SLCO1A2: variants seen among roughly 807,000 people sequenced by gnomAD.
SLCO1A2 encodes the protein OATP-1.
In SLCO1A2, 67 loss-of-function variants were observed where a neutral mutation model predicts 69.0. The observed-to-expected ratio is 0.97, with a 90% confidence interval of 0.80 to 1.19. SLCO1A2 has a LOEUF of 1.19. SLCO1A2 is among the 50% of genes most tolerant of loss of function. SLCO1A2 has a pLI of 0.00. For synonymous variants in SLCO1A2, 260 were observed against 265.9 expected (o/e 0.98, Z 0.22); for missense variants, 787 against 793.7 (o/e 0.99, Z 0.10).
chr12:21,297,614 A>G (rs1947931641), intron 8 of SLCO1A2, 46 bp from the exon 9 acceptor site: 2 of 1,356,042 alleles, frequency 1.5e-6, no homozygotes, highest in Admixed American at 2.3e-5. Flanking sequence ...TTGGCTTTGC[A>G]TTTTGTGACT....
At chr12:21,329,444 T>A (rs1013085404) in intron 2 of SLCO1A2, among the ~76,000 whole-genome samples, 1 of 152,028 alleles carries the variant, frequency 6.6e-6, no homozygotes, top group Non-Finnish European at 1.5e-5. Context: ...AACCCAGCAT[T>A]CTTGTACATT....
At chr12:21,384,789 G>T (rs1174280719) in intron 1 of SLCO1A2, among the ~76,000 whole-genome samples, 3 of 142,026 alleles carry the variant, frequency 2.1e-5, no homozygotes, top group Non-Finnish European at 4.5e-5. Flanking sequence ...TTTTTGAGTC[G>T]GAGTCTCGTT....
chr12:21,353,571 T>A (rs2137020028), intron 2 of SLCO1A2, among the ~76,000 whole-genome samples: 1 of 152,314 alleles, frequency 6.6e-6, no homozygotes, highest in African/African-American at 2.4e-5. Flanking sequence ...CCTGATTATA[T>A]CCCGTTTGTT....
At chr12:21,314,427 C>T in intron 4 of SLCO1A2, 122 bp downstream of exon 4, 1 of 1,011,962 alleles carries the variant, frequency 9.9e-7, no homozygotes, top group Non-Finnish European at 1.5e-6. Flanking sequence ...GAATGTGCAT[C>T]TTCCCCTTCC....
At chr12:21,416,464 A>C (rs1941990690) in intron 1 of SLCO1A2, among the ~76,000 whole-genome samples, 2 of 152,044 alleles carry the variant, frequency 1.3e-5, no homozygotes, top group South Asian at 4.1e-4. Context: ...CCCAAGTATA[A>C]ACATTATATC....
intron 1 of SLCO1A2, among the ~76,000 whole-genome samples, chr12:21,383,903 T>C (rs945144455): frequency 2.0e-5 from 3 of 152,194 alleles, no homozygotes; most frequent in African/African-American, 7.2e-5. Flanking sequence ...ACAATACATA[T>C]TGGTTGAATA....
At chr12:21,280,114 A>G (rs1198205814) in intron 12 of SLCO1A2, among the ~76,000 whole-genome samples, 4 of 152,166 alleles carry the variant, frequency 2.6e-5, no homozygotes, top group African/African-American at 4.8e-5. Context: ...TACACAAAAA[A>G]TAAAAAAGCA....
chr12:21,366,651 C>G (rs976534861), intron 2 of SLCO1A2, among the ~76,000 whole-genome samples: 1 of 151,486 alleles, frequency 6.6e-6, no homozygotes, highest in African/African-American at 2.4e-5. Flanking sequence ...TGAAAAGAAA[C>G]CAGAAAAGAG....
At chr12:21,397,380 T>G (rs1277063172), upstream of SLCO1A2, among the ~76,000 whole-genome samples, 11 of 152,234 alleles carry the variant, frequency 7.2e-5, no homozygotes, top group East Asian at 9.7e-4. Context: ...AAGCAAGTCC[T>G]GAGTGACCTA....
chr12:21,290,909 A>T (rs74064507), intron 12 of SLCO1A2, among the ~76,000 whole-genome samples: 3,150 of 152,276 alleles, frequency 0.021, 114 homozygotes, highest in African/African-American at 0.072. Flanking sequence ...GTATCATATA[A>T]ACAGTATTAC....
At chr12:21,352,712 G>A (rs910570891) in intron 2 of SLCO1A2, among the ~76,000 whole-genome samples, 2 of 152,178 alleles carry the variant, frequency 1.3e-5, no homozygotes, top group Non-Finnish European at 1.5e-5. Flanking sequence ...AGCATAATGC[G>A]AGAAATATCT....
At chr12:21,273,786 GTGTCCTTTTGC>G (rs1943312129) in intron 14 of SLCO1A2, among the ~76,000 whole-genome samples, 1 of 152,148 alleles carries the variant, frequency 6.6e-6, no homozygotes, top group South Asian at 2.1e-4. Flanking sequence ...TTCTTGATAT[GTGTCCTTTTGC>G]TGATCAAGAC....
In SLCO1A2 at chr12:21,345,987, A is replaced by G. The variant is rs140225949; in HGVS notation, c.-62-11278T>C. Among the ~76,000 whole-genome samples the G allele has an allele frequency of 1.1e-3, 173 of 152,130 alleles. 2 individuals are homozygous for G. The highest frequency in any genetic ancestry group is 7.2e-4 in the Admixed American group (11 of 15,260). ...GAGTATAAATATGTTAATAAAGAGC[A>G]TGTTCCAATAAAGCAGTTCTACAAA... On this transcript the variant is annotated intron_variant, in intron 2 of 15. Transcript: ENST00000307378.
At chr12:21,347,685 G>GAAGGAAGGAAGGAAGA (rs1953314722) in intron 2 of SLCO1A2, among the ~76,000 whole-genome samples, 1 of 142,096 alleles carries the variant, frequency 7.0e-6, no homozygotes, top group South Asian at 2.2e-4. Context: ...AGGAAGGAAG[G>GAAGGAAGGAAGGAAGA]AAGGAAGGAA....
chr12:21,350,934 GT>G (rs908322639), intron 2 of SLCO1A2, among the ~76,000 whole-genome samples: 2 of 150,766 alleles, frequency 1.3e-5, no homozygotes, highest in Non-Finnish European at 2.9e-5. Flanking sequence ...ATATTTCTGG[GT>G]TTTTTTAATA....
upstream of SLCO1A2, among the ~76,000 whole-genome samples, chr12:21,398,120 C>A (rs1242451213): frequency 1.4e-5 from 2 of 145,038 alleles, no homozygotes; most frequent in Non-Finnish European, 3.1e-5. Flanking sequence ...AATTGATAGA[C>A]CACTAGCAAG....
At chr12:21,350,004 A>T (rs1937800817) in intron 2 of SLCO1A2, among the ~76,000 whole-genome samples, 1 of 152,194 alleles carries the variant, frequency 6.6e-6, no homozygotes, top group African/African-American at 2.4e-5. Context: ...AACAGAGGAG[A>T]TGCATATTAG....
At chr12:21,367,308 C>T (rs1032477170) in intron 2 of SLCO1A2, among the ~76,000 whole-genome samples, 3 of 151,930 alleles carry the variant, frequency 2.0e-5, no homozygotes, top group East Asian at 3.8e-4. Context: ...AAAATAAGGA[C>T]ATAAATCAAG....
intron 12 of SLCO1A2, among the ~76,000 whole-genome samples, chr12:21,279,786 G>C (rs144970237): frequency 6.6e-6 from 1 of 151,724 alleles, no homozygotes; most frequent in African/African-American, 2.4e-5. Context: ...TAGTAAGTAA[G>C]CAAAAAAATG....
Sources: allele counts gnomAD v4.1 joint callset (sites outside exome capture counted in the v4.1 genomes callset), GRCh38; gene constraint gnomAD v4.1.1; transcripts MANE v1.5; gene names NCBI Gene and HGNC (gene_info 2026-07-23, HGNC 2026-07-21).